PKHD1: variants seen among roughly 807,000 people sequenced by gnomAD.
PKHD1 encodes the protein fibrocystin.
In PKHD1, 291 loss-of-function variants were observed where a neutral mutation model predicts 412.0. That is an observed-to-expected ratio of 0.71 (90% CI 0.64 to 0.78). PKHD1 has a LOEUF of 0.78. Among genes scored for constraint, PKHD1 ranks in the 30% least tolerant of loss-of-function variants. The probability of loss-of-function intolerance (pLI) is 0.00; values close to 1 mark genes in which losing one functional copy is unlikely to be tolerated. For synonymous variants in PKHD1, 1,777 were observed against 1,821.5 expected, an observed-to-expected ratio of 0.98 and a Z score of 0.62; for missense variants, 4,825 against 4,950.7, an observed-to-expected ratio of 0.97 and a Z score of 0.76.
intron 52 of PKHD1, among the ~76,000 whole-genome samples, chr6:51,812,141 C>G (rs185468319): frequency 3.9e-5 from 6 of 152,196 alleles, no homozygotes; most frequent in Admixed American, 3.9e-4. Flanking sequence ...AGCTGTGGGA[C>G]CCAGGGAATA....
At chr6:51,895,914 C>G (rs1779857610) in intron 43 of PKHD1, among the ~76,000 whole-genome samples, 1 of 152,076 alleles carries the variant, frequency 6.6e-6, no homozygotes, top group Admixed American at 6.5e-5. Flanking sequence ...ATGGACGGCA[C>G]CTGGAAAATC....
intron 60 of PKHD1, chr6:51,721,518 C>G: frequency 1.0e-6 from 1 of 959,348 alleles, no homozygotes; most frequent in Non-Finnish European, 1.2e-6. Flanking sequence ...TTATATCTAG[C>G]TGCAATTTAT....
chr6:51,714,982 A>G (rs1781085844), intron 60 of PKHD1, among the ~76,000 whole-genome samples: 1 of 151,938 alleles, frequency 6.6e-6, no homozygotes, highest in East Asian at 1.9e-4. Context: ...GAATTTTCAC[A>G]AATTCCAATA....
At chr6:51,734,152 G>A (rs1783557007) in intron 60 of PKHD1, among the ~76,000 whole-genome samples, 1 of 152,100 alleles carries the variant, frequency 6.6e-6, no homozygotes, top group Non-Finnish European at 1.5e-5. Flanking sequence ...GGAAACACCG[G>A]GTAACACAAA....
chr6:51,741,211 A>G (rs552172283), intron 60 of PKHD1: 4 of 518,742 alleles, frequency 7.7e-6, no homozygotes, highest in African/African-American at 7.7e-5. Context: ...GAACACTCTT[A>G]TGATTAAACA....
intron 37 of PKHD1, among the ~76,000 whole-genome samples, chr6:51,915,670 G>A (rs930688107): frequency 1.3e-5 from 2 of 151,880 alleles, no homozygotes; most frequent in Non-Finnish European, 2.9e-5. Flanking sequence ...GGTTTTAAAT[G>A]AAAGCCCACA....
chr6:51,771,867 G>A (rs948242116), intron 55 of PKHD1, among the ~76,000 whole-genome samples: 7 of 151,922 alleles, frequency 4.6e-5, no homozygotes, highest in African/African-American at 1.5e-4. Context: ...GTGGCATCAC[G>A]ATCTTCCCAC....
At chr6:52,046,329 T>TGA in intron 23 of PKHD1, 141 bp from the exon 24 acceptor site, 1 of 765,714 alleles carries the variant, frequency 1.3e-6, no homozygotes, top group Non-Finnish European at 2.3e-6. Context: ...AGAACTTCAG[T>TGA]AGAATCCCCA....
At position 51,753,282 on chromosome 6, in the gene PKHD1, T is replaced by C; in HGVS notation, c.8869A>G (p.Ile2957Val). The C allele has an allele frequency of 6.2e-7, 1 of 1,613,844 alleles. No homozygotes were observed. The highest frequency in any genetic ancestry group is 8.5e-7 in the Non-Finnish European group (1 of 1,179,780). ...AAEVGLLTRN[I>V]QIQPDVSCRG... is the part of the protein sequence containing the mutation. ...CATGATACGTCAGGCTGAATTTGTA[T>C]ATTTCGGGTCAACAGTCCAACCTCA... The change falls in exon 57 of 67, where the codon ATA becomes GTA. Residue 2957 changes from isoleucine (I) to valine (V), a missense_variant. Transcript: ENST00000371117.
intron 60 of PKHD1, among the ~76,000 whole-genome samples, chr6:51,672,168 CTG>C (rs1485471301): frequency 2.0e-5 from 3 of 152,110 alleles, no homozygotes; most frequent in African/African-American, 7.2e-5. Flanking sequence ...GGTCTGGCTT[CTG>C]TGTGTTGCAA....
intron 52 of PKHD1, among the ~76,000 whole-genome samples, chr6:51,807,738 T>C (rs1268935678): frequency 6.6e-6 from 1 of 152,060 alleles, no homozygotes; most frequent in Non-Finnish European, 1.5e-5. Context: ...ATGGAGTCTT[T>C]GTATCCATCC....
chr6:51,948,126 T>C (rs1789756703), intron 36 of PKHD1, among the ~76,000 whole-genome samples: 1 of 152,122 alleles, frequency 6.6e-6, no homozygotes, highest in Non-Finnish European at 1.5e-5. Context: ...GTCACTCTCA[T>C]CTCACCCATG....
At chr6:51,915,156 A>G (rs1291608993) in intron 37 of PKHD1, among the ~76,000 whole-genome samples, 1 of 152,052 alleles carries the variant, frequency 6.6e-6, no homozygotes, top group East Asian at 1.9e-4. Context: ...TCTCTTGACC[A>G]CAAGGACCTA....
chr6:51,641,744 G>C (rs974558134), intron 63 of PKHD1, among the ~76,000 whole-genome samples: 3 of 152,186 alleles, frequency 2.0e-5, no homozygotes, highest in African/African-American at 7.2e-5. Context: ...CCTTTGCAGG[G>C]ACATGGATGA....
chr6:51,934,210 G>A lies in PKHD1; in HGVS notation c.6021C>T (p.Gly2007=), dbSNP rs765143982. Residue 2007 remains glycine, a synonymous_variant, in exon 37 of 67, where the codon GGC becomes GGT. Coordinates refer to ENST00000371117, the MANE Select transcript of PKHD1 (RefSeq NM_138694.4). ...RIGSEDKPFQ[G]RAQITLYGSS... is the part of the protein sequence containing the mutation. Reference sequence around the variant, plus strand: ...TCCCGTAGAGTGTGATCTGAGCTCTGCCTTGGAAGGGCTTGTCTTCGGATC... The same window carrying A: ...TCCCGTAGAGTGTGATCTGAGCTCTACCTTGGAAGGGCTTGTCTTCGGATC... 1.2e-6 allele frequency: 2 copies of A among 1,613,178 alleles called. No homozygotes were observed. The highest frequency in any genetic ancestry group is 8.5e-7 in the Non-Finnish European group (1 of 1,179,176).
chr6:52,059,531 G>A (rs1808359174), intron 15 of PKHD1, among the ~76,000 whole-genome samples: 1 of 151,958 alleles, frequency 6.6e-6, no homozygotes, highest in Non-Finnish European at 1.5e-5. Context: ...TTACAGGAAT[G>A]AGCCACCACA....
At chr6:51,666,726 G>A (rs939785470) in intron 60 of PKHD1, among the ~76,000 whole-genome samples, 3 of 129,876 alleles carry the variant, frequency 2.3e-5, no homozygotes, top group African/African-American at 6.0e-5. Context: ...CCCAGAGTGC[G>A]ATGTTCCTCT....
chr6:51,971,708 T>TTTTTGTTTTG (rs141477157), intron 35 of PKHD1, among the ~76,000 whole-genome samples: 1,762 of 149,636 alleles, frequency 0.012, 16 homozygotes, highest in South Asian at 0.028. Context: ...TTTTTTTTGC[T>TTTTTGTTTTG]TTTTGTTTTG....
rs772556933 is a variant in PKHD1, at chr6:51,855,957, A to G, written c.7847T>C (p.Leu2616Pro). The change falls in exon 49 of 67, where the codon CTG (leucine) becomes CCG (proline). Residue 2616 changes from leucine to proline, a missense_variant. Transcript: ENST00000371117. ...TGAGTAGGTCTCTTGGTCCAAGAGC[A>G]GAGCCATCCAGCCACGAGGGTTAGA... The part of the protein sequence containing the change: ...TLSNPRGWMA[L>P]LLDQETYSLQ... 1.1e-5 allele frequency: 17 copies of G among 1,613,624 alleles called. No homozygotes were observed. The highest frequency in any genetic ancestry group is 1.4e-5 in the Non-Finnish European group (16 of 1,179,582).
Sources: allele counts gnomAD v4.1 joint callset (sites outside exome capture counted in the v4.1 genomes callset), GRCh38; gene constraint gnomAD v4.1.1; transcripts MANE v1.5; gene names NCBI Gene and HGNC (gene_info 2026-07-23, HGNC 2026-07-21).